The following NFASC variants were observed in gnomAD, a reference collection of about 807,000 sequenced individuals.
NFASC encodes the protein neurofascin.
A neutral mutation model predicts 147.5 loss-of-function variants in NFASC; 43 were observed. The observed-to-expected ratio is 0.29, with a 90% CI of 0.23 to 0.38. NFASC has a LOEUF of 0.38. Ranked by LOEUF, NFASC falls within the 10% of genes least tolerant of loss-of-function variation. NFASC has a pLI of 1.00. For synonymous variants in NFASC, 622 were observed against 665.5 expected, an observed-to-expected ratio of 0.93 and a Z score of 1.01; for missense variants, 1,320 against 1,689.0, an observed-to-expected ratio of 0.78 and a Z score of 3.83.
intron 2 of NFASC, among the ~76,000 whole-genome samples, chr1:204,936,202 TTC>T (rs770252664): frequency 0.016 from 2,009 of 124,610 alleles, 159 homozygotes; most frequent in African/African-American, 0.067. Context: ...CTCTTTCTTT[TTC>T]TTTTTTTTTT....
At chr1:204,902,752 G>A (rs113664026) in intron 1 of NFASC, among the ~76,000 whole-genome samples, 6 of 152,260 alleles carry the variant, frequency 3.9e-5, no homozygotes, top group African/African-American at 1.4e-4. Context: ...AAAAGAAGAG[G>A]GAAGGAGATG....
chr1:204,979,665 C>G lies in NFASC; in HGVS notation c.2176+106C>G, dbSNP rs749682583. 6 of 1,021,968 alleles carry G rather than the reference C, an allele frequency of 5.9e-6. No homozygotes were observed. Among genetic ancestry groups the G allele is most frequent in the Non-Finnish European group, 9.2e-6 (6 of 649,792 alleles). The allele number at this position is 1,021,968 out of a possible 1,614,324, so 63.3% of individuals were successfully genotyped here. On this transcript the variant is annotated intron_variant, in intron 19 of 29. Transcript: ENST00000339876. This position sits in a 1 kb window ranked among gnomAD's most constrained non-coding sequence, Gnocchi z 6.0. ...TGTGAACTTAGGTTACTTAACTTCTCCAAGGCCCGGCCTCATCTGTGAGGC... is the reference window on the plus strand; with the variant it reads ...TGTGAACTTAGGTTACTTAACTTCTGCAAGGCCCGGCCTCATCTGTGAGGC...
At position 204,924,530 on chromosome 1, in the gene NFASC, T is replaced by C. The variant is rs186155010; in HGVS notation, c.-91+3790T>C. The stretch of plus-strand genomic sequence containing the variant: ...GGTGGATGTCAGAGCTGGTGGGACA[T>C]TGGTGGAAGAAGCTGGGGTGGAGTG... On this transcript the variant is annotated intron_variant, in intron 2 of 29. Transcript: ENST00000339876. 8.5e-5 allele frequency among the ~76,000 whole-genome samples: 13 copies of C among 152,222 alleles called. No individual in the cohort carries two copies. The East Asian group carries it at 2.5e-3, about 29-fold the overall frequency.
chr1:204,873,967 G>A (rs965566089), intron 1 of NFASC, among the ~76,000 whole-genome samples: 7 of 152,160 alleles, frequency 4.6e-5, no homozygotes, highest in African/African-American at 1.7e-4. Context: ...GCCAGACTGC[G>A]GGGGAACAGT....
intron 27 of NFASC, among the ~76,000 whole-genome samples, chr1:205,006,950 G>A (rs1299155145): frequency 3.0e-5 from 4 of 132,224 alleles, no homozygotes; most frequent in African/African-American, 9.8e-5. Flanking sequence ...TGGTGCTGAT[G>A]AGAGTTAAGG....
chr1:204,920,590 T>C (rs1194131822), intron 1 of NFASC, 42 bp from the exon 2 acceptor site: 3 of 1,024,138 alleles, frequency 2.9e-6, no homozygotes, highest in Middle Eastern at 2.4e-4. Context: ...CTTCCTTTCT[T>C]AGAGTAACCC....
In NFASC at chr1:204,968,787, G is replaced by A. The variant is rs374203234; in HGVS notation, c.819-11G>A. ...AGTGATAACTTGTTTCCTGCTTGGC[G>A]CCTCTCCTAGCCCAACACCAGACAT... On this transcript the variant is annotated splice_polypyrimidine_tract_variant and intron_variant, in intron 9 of 29. Transcript: ENST00000339876. The surrounding 1 kb of genome is among the most constrained non-coding windows in gnomAD (Gnocchi z 5.4). 1.2e-4 allele frequency: 186 copies of A among 1,608,092 alleles called. 1 individual carries two copies. Among genetic ancestry groups the A allele is most frequent in the Non-Finnish European group, 1.5e-4 (173 of 1,176,910 alleles).
rs758395159 is a variant in NFASC at position 204,968,765 on chromosome 1, G to A, written c.819-33G>A. The A allele has an allele frequency of 3.8e-6, 6 of 1,595,674 alleles. No individual in the cohort carries two copies. The Admixed American group carries it at 6.8e-5, about 18-fold the overall frequency. On this transcript the variant is annotated intron_variant, in intron 9 of 29. Coordinates refer to ENST00000339876, the MANE Select transcript of NFASC (RefSeq NM_001005388.3). This position sits in a 1 kb window ranked among gnomAD's most constrained non-coding sequence, Gnocchi z 5.4. ...GAAGAGGAGAAAGGCCACGTTTAGT[G>A]ATAACTTGTTTCCTGCTTGGCGCCT...
chr1:205,016,932 C>T lies in NFASC; in HGVS notation c.*393C>T. ...CGCTTTGTGCATCTTCCCCTCCAGA[C>T]CCAATGTCTCTGTTTTCTTTTCCTT... is the stretch of plus-strand genomic sequence containing the variant. On this transcript the variant is annotated 3_prime_UTR_variant, in exon 30 of 30. Coordinates refer to ENST00000339876, the MANE Select transcript of NFASC (RefSeq NM_001005388.3). The surrounding 1 kb of genome is among the most constrained non-coding windows in gnomAD (Gnocchi z 5.1). 3.1e-6 allele frequency: 1 copy of T among 318,832 alleles called. No homozygotes were observed. Among genetic ancestry groups the T allele is most frequent in the South Asian group, 2.9e-5 (1 of 34,808 alleles). The allele number at this position is 318,832 out of a possible 1,614,324, so 19.8% of individuals were successfully genotyped here.
intron 1 of NFASC, among the ~76,000 whole-genome samples, chr1:204,884,487 A>C (rs974137616): frequency 4.6e-5 from 7 of 152,092 alleles, no homozygotes; most frequent in East Asian, 3.9e-4. Context: ...CCTGCGGTAG[A>C]AGATAGGCTG....
At position 205,009,672 on chromosome 1, in the gene NFASC, C is replaced by T. The variant is rs147568795; in HGVS notation, c.3405C>T (p.Arg1135=). 1.5e-4 allele frequency: 243 copies of T among 1,613,994 alleles called. No homozygotes were observed. The highest frequency in any genetic ancestry group is 1.6e-4 in the Middle Eastern group (1 of 6,062). Residue 1135 remains arginine (R), a synonymous_variant, in exon 28 of 30, where the codon CGC becomes CGT. Transcript: ENST00000339876. The part of the protein sequence containing the change: ...LLIVCFIKRS[R]GGKYPVREKK... ...TCGTCTGTTTCATCAAGAGGAGTCGCGGCGGCAAGTACCCAGGTGAGATGT... is the reference window on the plus strand; with the variant it reads ...TCGTCTGTTTCATCAAGAGGAGTCGTGGCGGCAAGTACCCAGGTGAGATGT...
Position 204,968,123 on chromosome 1 carries a change from G to A in NFASC, c.707-126G>A, listed in dbSNP as rs1037892932. 2 of 695,530 alleles carry A rather than the reference G, an allele frequency of 2.9e-6. No homozygotes were observed. The highest frequency in any genetic ancestry group is 3.5e-5 in the African/African-American group (2 of 56,778). 43.1% of individuals were successfully genotyped at this position (695,530 alleles called of 1,614,324 possible). A position where few individuals can be genotyped will look rare whatever the true frequency, so the allele number is the denominator to read the frequency against. On this transcript the variant is annotated intron_variant, in intron 8 of 29. Transcript: ENST00000339876. The surrounding 1 kb of genome is among the most constrained non-coding windows in gnomAD (Gnocchi z 5.4). ...CACTTAATGATGCCCAAGTCCTTGG[G>A]ATGGTTTCAGCTGGGAGGATCCGGC...
rs1249575950 is a variant in NFASC, at chr1:204,984,311, G to T, written c.2470+2291G>T. The T allele has an allele frequency of 9.5e-6, 5 of 524,810 alleles. No homozygotes were observed. In the African/African-American group the frequency reaches 9.9e-5, roughly 10 times the overall value. 32.5% of individuals were successfully genotyped at this position (524,810 alleles called of 1,614,324 possible). On this transcript the variant is annotated intron_variant, in intron 21 of 29. Coordinates refer to ENST00000339876, the MANE Select transcript of NFASC (RefSeq NM_001005388.3). ...GGTTAGATGTTCAAAAATATACCCA[G>T]AAAAAAAAATTATATATATATGTGT...
intron 1 of NFASC, among the ~76,000 whole-genome samples, chr1:204,856,329 A>G (rs967476939): frequency 6.7e-6 from 1 of 150,216 alleles, no homozygotes; most frequent in African/African-American, 2.4e-5. Context: ...GACAGGGAGA[A>G]GGCCAGTTCT....
At chr1:204,991,162 G>A (rs767067671) in intron 23 of NFASC, 130 bp from the exon 24 acceptor site, 20 of 1,090,214 alleles carry the variant, frequency 1.8e-5, no homozygotes, top group Admixed American at 6.1e-5. Context: ...TGGCCACGCC[G>A]TCTGCATAAG....
chr1:204,857,338 C>G (rs2076240800), intron 1 of NFASC, among the ~76,000 whole-genome samples: 1 of 152,258 alleles, frequency 6.6e-6, no homozygotes, highest in Non-Finnish European at 1.5e-5. Flanking sequence ...CCCATACTTG[C>G]TCTGGCATCG....
intron 8 of NFASC, among the ~76,000 whole-genome samples, chr1:204,966,604 T>A (rs570216040): frequency 1.3e-5 from 2 of 152,326 alleles, no homozygotes; most frequent in East Asian, 3.9e-4. Flanking sequence ...ACATAGATGA[T>A]AACCAATTAA....
rs1284941344 is a variant in NFASC, at chr1:204,997,698, G to A, written c.3019+292G>A. 7.8e-6 allele frequency: 4 copies of A among 513,826 alleles called. No individual in the cohort carries two copies. In the East Asian group the frequency reaches 1.4e-4, roughly 18 times the overall value. 31.8% of individuals were successfully genotyped at this position (513,826 alleles called of 1,614,324 possible). ...TCCCTGTTCCTTAACAGACGGCCAA[G>A]CTCCTTGGGCAGGGCCCCCAGGTTC... On this transcript the variant is annotated intron_variant, in intron 25 of 29. Transcript: ENST00000339876.
chr1:204,964,397 C>T (rs1283890511), intron 8 of NFASC, among the ~76,000 whole-genome samples: 2 of 152,154 alleles, frequency 1.3e-5, no homozygotes, highest in African/African-American at 4.8e-5. Context: ...ACAGACAGAA[C>T]TTAAAGAGAA....
Sources: gnomAD v4.1 joint callset for allele counts (sites outside exome capture counted in the v4.1 genomes callset) on GRCh38, gnomAD v4.1.1 for gene constraint, Gnocchi (gnomAD v3.1) non-coding constraint, MANE v1.5 for transcripts, NCBI Gene and HGNC (gene_info 2026-07-23, HGNC 2026-07-21) for gene names.